Variants in VWA8 observed in about 807,000 individuals in gnomAD.
The protein encoded by VWA8 is von Willebrand factor A domain containing 8.
Under a neutral mutation model 241.5 loss-of-function variants are expected in VWA8, and 221 were observed. The ratio of observed to expected loss-of-function variants is 0.91; its 90% CI spans 0.82 to 1.02. VWA8 has a LOEUF of 1.02. Ranked by LOEUF, VWA8 falls within the 50% of genes least tolerant of loss-of-function variation. VWA8 has a pLI of 0.00. For missense variants in VWA8, 2,322 were observed against 2,328.7 expected, an observed-to-expected ratio of 1.00 and a Z score of 0.06; for synonymous variants, 852 against 827.1, an observed-to-expected ratio of 1.03 and a Z score of -0.52.
rs1877484554 is a variant in VWA8, at chr13:41,939,217, T to G, written c.241+10719A>C. Among the ~76,000 whole-genome samples the G allele has an allele frequency of 1.3e-5, 2 of 152,204 alleles. 1 individual carries two copies. Among genetic ancestry groups the G allele is most frequent in the South Asian group, 4.1e-4 (2 of 4,832 alleles). On this transcript the variant is annotated intron_variant, in intron 2 of 44. Transcript: ENST00000379310. ...GGTTGAAAGTTATCTATTGAAAACT[T>G]GCTATGCTGGAGCACAACCTCGTGA...
chr13:41,693,011 TC>T (rs769238200), intron 29 of VWA8, 39 bp from the exon 30 acceptor site: 100 of 1,407,950 alleles, frequency 7.1e-5, no homozygotes, highest in East Asian at 2.0e-4. Context: ...CAAGATTTGT[TC>T]TTTTTTTTTT....
At chr13:41,853,259 G>C (rs1872596843) in intron 12 of VWA8, among the ~76,000 whole-genome samples, 1 of 152,078 alleles carries the variant, frequency 6.6e-6, no homozygotes, top group African/African-American at 2.4e-5. Context: ...TGAGCATAAT[G>C]TTAGCTGTGG....
chr13:41,908,701 G>C (rs1456285037), intron 3 of VWA8, among the ~76,000 whole-genome samples: 1 of 152,172 alleles, frequency 6.6e-6, no homozygotes, highest in African/African-American at 2.4e-5. Flanking sequence ...CCTGTTTCAA[G>C]ATAATTTATC....
intron 19 of VWA8, among the ~76,000 whole-genome samples, chr13:41,778,707 C>A (rs1015425382): frequency 3.3e-5 from 5 of 151,952 alleles, no homozygotes; most frequent in African/African-American, 1.2e-4. Flanking sequence ...CTATTACTTT[C>A]TCTTGGTTTT....
chr13:41,844,860 C>T (rs973920563), intron 12 of VWA8, among the ~76,000 whole-genome samples: 2 of 150,502 alleles, frequency 1.3e-5, no homozygotes, highest in Non-Finnish European at 1.5e-5. Context: ...AAGATCTCTA[C>T]AAGGAGAACT....
chr13:41,793,147 G>A (rs1376326399), intron 17 of VWA8, among the ~76,000 whole-genome samples: 1 of 152,046 alleles, frequency 6.6e-6, no homozygotes, highest in African/African-American at 2.4e-5. Context: ...TCTGCTTGTA[G>A]TTTACTAAGA....
intron 17 of VWA8, among the ~76,000 whole-genome samples, chr13:41,798,376 C>T (rs1869798078): frequency 1.3e-5 from 2 of 152,172 alleles, no homozygotes; most frequent in East Asian, 3.8e-4. Flanking sequence ...GCTGAAAAAA[C>T]TACTAAACGT....
At position 41,830,547 on chromosome 13, in the gene VWA8, T is replaced by A. The variant is rs1327721817; in HGVS notation, c.1682A>T (p.Asp561Val). ...AAATTACCTCTTCTGTAGCTGTTCA[T>A]CAGACAGTTGCAGCTCCTCCTTTAA... ...MRLKEELQLS[D>V]EQLQKRSIFP... The change falls in exon 14 of 45, where the codon GAT (aspartate) becomes GTT (valine). Residue 561 changes from aspartate to valine, a missense_variant. Asp to Val is a radical substitution (Grantham distance 152). Coordinates refer to ENST00000379310, the MANE Select transcript of VWA8 (RefSeq NM_015058.2). 1.2e-6 allele frequency: 2 copies of A among 1,613,806 alleles called. No homozygotes were observed. Among genetic ancestry groups the A allele is most frequent in the East Asian group, 4.5e-5 (2 of 44,856 alleles).
intron 17 of VWA8, among the ~76,000 whole-genome samples, chr13:41,803,329 A>G (rs891036718): frequency 3.3e-5 from 5 of 152,168 alleles, no homozygotes; most frequent in African/African-American, 1.2e-4. Flanking sequence ...ACAATCAAAT[A>G]AGGCACCGGT....
At chr13:41,897,123 C>A (rs1875147108) in intron 4 of VWA8, among the ~76,000 whole-genome samples, 1 of 151,488 alleles carries the variant, frequency 6.6e-6, no homozygotes, top group Non-Finnish European at 1.5e-5. Flanking sequence ...GTTGTTTACT[C>A]AAAAAGCTAT....
chr13:41,675,978 G>C (rs1368179882), intron 35 of VWA8, among the ~76,000 whole-genome samples: 2 of 152,056 alleles, frequency 1.3e-5, no homozygotes, highest in Non-Finnish European at 2.9e-5. Context: ...CTGGAGTTTG[G>C]ATCATAATCC....
chr13:41,678,948 A>C (rs1216031430), intron 35 of VWA8, among the ~76,000 whole-genome samples: 1 of 152,214 alleles, frequency 6.6e-6, no homozygotes, highest in African/African-American at 2.4e-5. Flanking sequence ...ATTTGAAAAT[A>C]AGTCAGCTCA....
rs558606634 is a variant in VWA8 at position 41,627,202 on chromosome 13, C to T, written c.4612-12118G>A. 3.0e-4 allele frequency among the ~76,000 whole-genome samples: 46 copies of T among 152,254 alleles called. 1 individual carries two copies. The highest frequency in any genetic ancestry group is 2.5e-3 in the Admixed American group (38 of 15,280). ...ATTATTAGAGAAATGCAAATCACAA[C>T]CACAATGAGATAACATCTCACACCA... On this transcript the variant is annotated intron_variant, in intron 37 of 44. Transcript: ENST00000379310.
chr13:41,687,649 C>G (rs1247602028), intron 34 of VWA8, among the ~76,000 whole-genome samples: 1 of 152,078 alleles, frequency 6.6e-6, no homozygotes. Context: ...TGTAAAACCT[C>G]ATAGAATTGT....
intron 37 of VWA8, among the ~76,000 whole-genome samples, chr13:41,620,611 C>G (rs918365635): frequency 2.2e-4 from 34 of 152,176 alleles, no homozygotes; most frequent in African/African-American, 5.1e-4. Context: ...GCATTTAGTG[C>G]TATAAATTTC....
At chr13:41,790,193 C>G (rs1411457419) in intron 17 of VWA8, among the ~76,000 whole-genome samples, 1 of 152,048 alleles carries the variant, frequency 6.6e-6, no homozygotes, top group African/African-American at 2.4e-5. Context: ...ATGCCAGCTT[C>G]TAAAACCAAA....
At chr13:41,699,005 G>A in intron 29 of VWA8, 66 bp downstream of exon 29, 1 of 1,598,740 alleles carries the variant, frequency 6.3e-7, no homozygotes, top group African/African-American at 1.3e-5. Flanking sequence ...TCAGTTATAG[G>A]TTTCTAATCA....
intron 21 of VWA8, among the ~76,000 whole-genome samples, chr13:41,748,767 C>T (rs2045630317): frequency 6.6e-6 from 1 of 152,126 alleles, no homozygotes; most frequent in African/African-American, 2.4e-5. Flanking sequence ...GAAAGGATTC[C>T]CTATTTAATA....
At chr13:41,902,180 A>T (rs1394893600) in intron 4 of VWA8, among the ~76,000 whole-genome samples, 1 of 152,084 alleles carries the variant, frequency 6.6e-6, no homozygotes, top group Non-Finnish European at 1.5e-5. Flanking sequence ...AATAAATAAC[A>T]GCATACCTAT....
Sources: gnomAD v4.1 joint callset for allele counts (sites outside exome capture counted in the v4.1 genomes callset) on GRCh38, gnomAD v4.1.1 for gene constraint, MANE v1.5 for transcripts, NCBI Gene and HGNC (gene_info 2026-07-23, HGNC 2026-07-21) for gene names.